Variants in RANBP2 observed in about 807,000 individuals in gnomAD.
The protein encoded by RANBP2 is E3 SUMO-protein ligase RanBP2.
Under a neutral mutation model 303.6 loss-of-function variants are expected in RANBP2, and 57 were observed. The observed-to-expected ratio is 0.19, with a 90% CI of 0.15 to 0.23. The LOEUF (loss-of-function observed/expected upper bound fraction) is 0.23. RANBP2 is among the 10% of genes least tolerant of loss of function. The probability of loss-of-function intolerance (pLI) is 1.00; values close to 1 mark genes in which losing one functional copy is unlikely to be tolerated. For synonymous variants in RANBP2, 1,167 were observed against 1,301.5 expected (o/e 0.90, Z 2.23); for missense variants, 3,138 against 3,780.8 (o/e 0.83, Z 4.46).
the RANBP2 span, among the ~76,000 whole-genome samples, chr2:109,527,568 C>A: frequency 6.6e-6 from 1 of 152,092 alleles, no homozygotes; most frequent in Non-Finnish European, 1.5e-5. Flanking sequence ...CCCACAGCCA[C>A]ATTAGGATGA....
chr2:108,767,975 G>A lies in RANBP2; in HGVS notation c.7436G>A (p.Arg2479Lys), dbSNP rs746460539. ...GTATTAGAAGAAACCACAAGAGAGAGGACAGATGTTATTCAGGGTGATGAT... is the reference window on the plus strand; with the variant it reads ...GTATTAGAAGAAACCACAAGAGAGAAGACAGATGTTATTCAGGGTGATGAT... The part of the protein sequence containing the change: ...VAVLEETTRE[R>K]TDVIQGDDVA... Residue 2479 changes from arginine to lysine, a missense_variant, in exon 20 of 29, where the codon AGG becomes AAG. Coordinates refer to ENST00000283195, the MANE Select transcript of RANBP2 (RefSeq NM_006267.5). The A allele has an allele frequency of 1.2e-6, 2 of 1,611,774 alleles. No individual in the cohort carries two copies. Among genetic ancestry groups the A allele is most frequent in the South Asian group, 1.1e-5 (1 of 90,952 alleles).
chr2:109,389,552 G>T, the RANBP2 span, among the ~76,000 whole-genome samples: 7 of 152,164 alleles, frequency 4.6e-5, no homozygotes, highest in African/African-American at 9.7e-5. Flanking sequence ...TCAATGGATC[G>T]TTTGAAAACC....
the RANBP2 span, among the ~76,000 whole-genome samples, chr2:108,886,985 C>T: frequency 6.6e-6 from 1 of 152,036 alleles, no homozygotes; most frequent in Non-Finnish European, 1.5e-5. Context: ...TTTCCCTAGG[C>T]TTTCTTATGC....
At chr2:109,534,004 ACAGTGC>A in the RANBP2 span, among the ~76,000 whole-genome samples, 3 of 152,352 alleles carry the variant, frequency 2.0e-5, no homozygotes, top group Admixed American at 1.3e-4. Context: ...GCAGCGCTGC[ACAGTGC>A]CAGAAGCGGG....
chr2:109,451,775 C>A, the RANBP2 span, among the ~76,000 whole-genome samples: 1 of 152,270 alleles, frequency 6.6e-6, no homozygotes, highest in Non-Finnish European at 1.5e-5. Context: ...GACGCCCTGC[C>A]ATGCAAGCTG....
At position 108,771,774 on chromosome 2, in the gene RANBP2, C is replaced by T. The variant is rs750830644; in HGVS notation, c.7923C>T (p.Thr2641=). The part of the protein sequence containing the change: ...DVLIVYELTP[T]AEQKALATKL... ...TCATTGTATATGAACTAACTCCAAC[C>T]GCTGAGCAGAAAGCCCTTGCAACCA... The change falls in exon 21 of 29, where the codon ACC becomes ACT. Residue 2641 remains threonine (T), a synonymous_variant. Coordinates refer to ENST00000283195, the MANE Select transcript of RANBP2 (RefSeq NM_006267.5). The T allele has an allele frequency of 1.8e-5, 29 of 1,613,864 alleles. No individual in the cohort carries two copies. The highest frequency in any genetic ancestry group is 6.6e-5 in the South Asian group (6 of 91,086).
the RANBP2 span, among the ~76,000 whole-genome samples, chr2:109,405,569 T>C: frequency 6.6e-6 from 1 of 152,200 alleles, no homozygotes; most frequent in Non-Finnish European, 1.5e-5. Context: ...CACCTGCCCA[T>C]GTCCCTTTTG....
chr2:108,948,131 C>G, the RANBP2 span, among the ~76,000 whole-genome samples: 126 of 152,330 alleles, frequency 8.3e-4, no homozygotes, highest in African/African-American at 2.9e-3. Flanking sequence ...TTCCACGGAT[C>G]TCTAGAGCAG....
At chr2:109,290,640 C>T in the RANBP2 span, among the ~76,000 whole-genome samples, 3 of 152,220 alleles carry the variant, frequency 2.0e-5, no homozygotes, top group African/African-American at 4.8e-5. Flanking sequence ...CCAACTCAGA[C>T]GCCCTCCCTC....
At chr2:109,168,145 G>A in the RANBP2 span, among the ~76,000 whole-genome samples, 1 of 152,124 alleles carries the variant, frequency 6.6e-6, no homozygotes, top group African/African-American at 2.4e-5. Context: ...CTTAAATTGT[G>A]TGCTTTCAGG....
the RANBP2 span, among the ~76,000 whole-genome samples, chr2:108,947,125 T>C: frequency 6.6e-6 from 1 of 152,208 alleles, no homozygotes; most frequent in Non-Finnish European, 1.5e-5. Context: ...AAAGGGGCCA[T>C]AGGCCCCATG....
At chr2:109,268,719 A>G in the RANBP2 span, among the ~76,000 whole-genome samples, 1 of 147,154 alleles carries the variant, frequency 6.8e-6, no homozygotes, top group Non-Finnish European at 1.5e-5. Flanking sequence ...AATAAACTGC[A>G]TAAGTTATTT....
At chr2:109,767,131 G>A in the RANBP2 span, among the ~76,000 whole-genome samples, 1 of 142,620 alleles carries the variant, frequency 7.0e-6, no homozygotes, top group African/African-American at 2.6e-5. Context: ...AGTAATAAAA[G>A]TGTCAATTGC....
intron 12 of RANBP2, 116 bp downstream of exon 12, chr2:108,752,110 G>A: frequency 6.4e-7 from 1 of 1,565,966 alleles, no homozygotes; most frequent in Non-Finnish European, 8.6e-7. Context: ...CATTATGACA[G>A]ATGTGTTTTT....
At chr2:109,513,576 C>G in the RANBP2 span, among the ~76,000 whole-genome samples, 2 of 152,088 alleles carry the variant, frequency 1.3e-5, no homozygotes, top group Non-Finnish European at 2.9e-5. Flanking sequence ...ACCACACAAG[C>G]CACGTGCATG....
chr2:109,086,695 GACA>G, the RANBP2 span, among the ~76,000 whole-genome samples: 26 of 152,194 alleles, frequency 1.7e-4, no homozygotes, highest in African/African-American at 6.3e-4. Flanking sequence ...TCTGCTGTGG[GACA>G]ACACCATGAG....
At chr2:108,927,394 A>T in the RANBP2 span, among the ~76,000 whole-genome samples, 2 of 152,152 alleles carry the variant, frequency 1.3e-5, no homozygotes, top group Admixed American at 6.5e-5. Context: ...CATTCGCCTG[A>T]ATTCTTCTAG....
At chr2:109,453,873 T>A in the RANBP2 span, among the ~76,000 whole-genome samples, 1 of 152,114 alleles carries the variant, frequency 6.6e-6, no homozygotes, top group African/African-American at 2.4e-5. Context: ...GATCCTTGGC[T>A]GAGGGTCAGC....
the RANBP2 span, among the ~76,000 whole-genome samples, chr2:109,081,302 C>CT: frequency 2.0e-5 from 3 of 152,146 alleles, no homozygotes; most frequent in African/African-American, 7.2e-5. Context: ...GAATTGAGTC[C>CT]TAAGGCCACA....
Sources: allele counts gnomAD v4.1 joint callset (sites outside exome capture counted in the v4.1 genomes callset), GRCh38; gene constraint gnomAD v4.1.1; transcripts MANE v1.5; gene names NCBI Gene and HGNC (gene_info 2026-07-23, HGNC 2026-07-21).